The following PRELID2 variants were observed in gnomAD, a reference collection of about 807,000 sequenced individuals.
PRELID2 encodes the protein PRELI domain-containing protein 2.
A neutral mutation model predicts 28.4 loss-of-function variants in PRELID2; 25 were observed. The observed-to-expected ratio is 0.88, with a 90% confidence interval of 0.64 to 1.23. PRELID2 has a LOEUF of 1.23. PRELID2 is among the 50% of genes most tolerant of loss of function. PRELID2 has a pLI of 0.00. For synonymous variants in PRELID2, 76 were observed against 71.6 expected, an observed-to-expected ratio of 1.06 and a Z score of -0.31; for missense variants, 201 against 214.4, an observed-to-expected ratio of 0.94 and a Z score of 0.39.
intron 2 of PRELID2, among the ~76,000 whole-genome samples, chr5:145,820,658 A>G (rs1353460712): frequency 6.6e-6 from 1 of 152,186 alleles, no homozygotes; most frequent in East Asian, 1.9e-4. Context: ...GCAAACCTGT[A>G]CGGTTCTGCA....
At chr5:145,640,424 C>T (rs1195855418) in intron 1 of PRELID2, among the ~76,000 whole-genome samples, 5 of 144,606 alleles carry the variant, frequency 3.5e-5, no homozygotes, top group Non-Finnish European at 6.0e-5. Context: ...TGCAGTGAGC[C>T]GAGATCGCGC....
chr5:145,740,680 A>C (rs1324724049), intron 1 of PRELID2, among the ~76,000 whole-genome samples: 1 of 28,326 alleles, frequency 3.5e-5, no homozygotes, highest in African/African-American at 9.0e-5. Context: ...TATATATTTT[A>C]TATTTAATAT....
At chr5:145,519,179 T>C (rs1752543689) in intron 1 of PRELID2, among the ~76,000 whole-genome samples, 1 of 152,222 alleles carries the variant, frequency 6.6e-6, no homozygotes, top group Admixed American at 6.5e-5. Context: ...TGACTTCTTT[T>C]ATAATTCACA....
the PRELID2 span, among the ~76,000 whole-genome samples, chr5:145,369,821 G>A: frequency 6.6e-6 from 1 of 151,962 alleles, no homozygotes; most frequent in Admixed American, 6.6e-5. Context: ...ATTCTAACTG[G>A]TATGAGACAG....
chr5:145,643,461 T>G (rs1023940486), intron 1 of PRELID2, among the ~76,000 whole-genome samples: 14 of 152,138 alleles, frequency 9.2e-5, no homozygotes, highest in African/African-American at 3.1e-4. Context: ...TCTGCAAACA[T>G]AGATAATTTG....
the PRELID2 span, among the ~76,000 whole-genome samples, chr5:145,252,260 G>A: frequency 3.3e-5 from 5 of 152,098 alleles, no homozygotes; most frequent in South Asian, 2.1e-4. Context: ...AAAAAACATC[G>A]TCTATTATGC....
chr5:145,741,229 A>C (rs1476758209), intron 1 of PRELID2, among the ~76,000 whole-genome samples: 2 of 112,976 alleles, frequency 1.8e-5, no homozygotes, highest in South Asian at 5.5e-4. Flanking sequence ...TATATATATA[A>C]TATATAATAT....
intron 1 of PRELID2, among the ~76,000 whole-genome samples, chr5:145,630,985 G>C (rs192294382): frequency 7.9e-5 from 12 of 152,048 alleles, no homozygotes; most frequent in Admixed American, 7.9e-4. Context: ...AATTTCTCTA[G>C]GACTCAACTT....
the PRELID2 span, among the ~76,000 whole-genome samples, chr5:145,384,855 C>T: frequency 2.0e-3 from 303 of 152,272 alleles, 4 homozygotes; most frequent in African/African-American, 6.3e-3. Context: ...AGAGCACCAA[C>T]GGTATGGTTG....
chr5:145,489,570 T>C lies in PRELID2; in HGVS notation n.71-16255A>G, dbSNP rs143343628. Among the ~76,000 whole-genome samples, 103 of 152,278 alleles carry C rather than the reference T, an allele frequency of 6.8e-4. No homozygotes were observed. In the East Asian group the frequency reaches 0.012, roughly 17 times the overall value. On this transcript the variant is annotated intron_variant and non_coding_transcript_variant, in intron 1 of 2. Coordinates refer to the PRELID2 transcript ENST00000510259. Reference sequence around the variant, plus strand: ...GTAGAAACGAAATTGTCATCTTATATCCAGCATTCTTTCCCTGTAACAACA... The same window carrying C: ...GTAGAAACGAAATTGTCATCTTATACCCAGCATTCTTTCCCTGTAACAACA...
chr5:145,332,383 C>T, the PRELID2 span, among the ~76,000 whole-genome samples: 1 of 152,164 alleles, frequency 6.6e-6, no homozygotes, highest in Non-Finnish European at 1.5e-5. Context: ...TTCCATTCTT[C>T]CCATCACTTT....
the PRELID2 span, among the ~76,000 whole-genome samples, chr5:145,399,732 A>G: frequency 2.0e-5 from 3 of 152,132 alleles, no homozygotes; most frequent in Non-Finnish European, 4.4e-5. Flanking sequence ...TTACAAAAGA[A>G]AGATGTTTAT....
At chr5:145,343,117 CA>C in the PRELID2 span, among the ~76,000 whole-genome samples, 12 of 149,990 alleles carry the variant, frequency 8.0e-5, no homozygotes, top group Non-Finnish European at 1.2e-4. Flanking sequence ...ATCATCTAGA[CA>C]AAAAAAAATT....
chr5:145,680,139 A>C (rs1754904265), intron 1 of PRELID2, among the ~76,000 whole-genome samples: 1 of 152,162 alleles, frequency 6.6e-6, no homozygotes, highest in South Asian at 2.1e-4. Flanking sequence ...AAAATATAGA[A>C]TCGAGGGCAC....
At position 145,565,517 on chromosome 5, in the gene PRELID2, A is replaced by G. The variant is rs1309566385; in HGVS notation, n.71-92202T>C. 2.6e-5 allele frequency among the ~76,000 whole-genome samples: 4 copies of G among 152,244 alleles called. No individual in the cohort carries two copies. In the East Asian group the frequency reaches 7.7e-4, roughly 29 times the overall value. On this transcript the variant is annotated intron_variant and non_coding_transcript_variant, in intron 1 of 2. Transcript: ENST00000510259. ...CTCACATGGATTGCAGACAATTGTA[A>G]TGCAGTAATGCAGGCCACTGTAAGC...
chr5:145,796,255 T>C (rs1752737908), intron 5 of PRELID2, 187 bp downstream of exon 5: 1 of 413,280 alleles, frequency 2.4e-6, no homozygotes, highest in Non-Finnish European at 4.3e-6. Flanking sequence ...GAGCCATAAA[T>C]GCCACTTTAG....
chr5:145,452,885 T>A, the PRELID2 span, among the ~76,000 whole-genome samples: 1 of 152,128 alleles, frequency 6.6e-6, no homozygotes, highest in Non-Finnish European at 1.5e-5. Flanking sequence ...TAAGGGGCCA[T>A]TTCCTGGGTG....
chr5:145,472,016 G>T (rs1254649453), exon 3 of PRELID2: 2 of 152,154 alleles, frequency 1.3e-5, no homozygotes, highest in Non-Finnish European at 2.9e-5. Flanking sequence ...TGAGGATTCA[G>T]TTCCAGAAGA....
chr5:145,805,770 C>A (rs1753456066), intron 4 of PRELID2, among the ~76,000 whole-genome samples: 2 of 152,206 alleles, frequency 1.3e-5, no homozygotes, highest in Non-Finnish European at 2.9e-5. Context: ...TAGCTTACTA[C>A]ACACATAGGC....
Sources: allele counts gnomAD v4.1 joint callset (sites outside exome capture counted in the v4.1 genomes callset), GRCh38; gene constraint gnomAD v4.1.1; transcripts MANE v1.5; gene names NCBI Gene and HGNC (gene_info 2026-07-23, HGNC 2026-07-21).